The following GPLD1 variants were observed in gnomAD, a reference collection of about 807,000 sequenced individuals.
The protein encoded by GPLD1 is phosphatidylinositol-glycan-specific phospholipase D.
In GPLD1, 84 loss-of-function variants were observed where a neutral mutation model predicts 112.6. The ratio of observed to expected loss-of-function variants is 0.75; its 90% CI spans 0.63 to 0.89. The LOEUF (loss-of-function observed/expected upper bound fraction) is 0.89. GPLD1 is among the 40% of genes least tolerant of loss of function. The pLI, the probability that GPLD1 is intolerant of heterozygous loss-of-function variation, is 0.00. For synonymous variants in GPLD1, 386 were observed against 403.8 expected, an observed-to-expected ratio of 0.96 and a Z score of 0.53; for missense variants, 1,044 against 1,051.5, an observed-to-expected ratio of 0.99 and a Z score of 0.10.
chr6:24,483,428 C>T (rs1246414332), intron 2 of GPLD1, among the ~76,000 whole-genome samples: 1 of 151,930 alleles, frequency 6.6e-6, no homozygotes, highest in East Asian at 1.9e-4. Context: ...CCTATTATCC[C>T]AGCACGTTGG....
At chr6:24,457,325 C>A (rs917668702) in intron 12 of GPLD1, among the ~76,000 whole-genome samples, 2 of 151,628 alleles carry the variant, frequency 1.3e-5, no homozygotes, top group African/African-American at 4.8e-5. Flanking sequence ...ACAAAAAATA[C>A]AAAAAATTAG....
chr6:24,470,580 TTGAA>T (rs1245178704), intron 7 of GPLD1, among the ~76,000 whole-genome samples: 1 of 152,184 alleles, frequency 6.6e-6, no homozygotes, highest in Non-Finnish European at 1.5e-5. Flanking sequence ...ATCTTTTTAT[TTGAA>T]TGGTAAATTT....
upstream of GPLD1, chr6:24,489,640 C>T (rs1290532889): frequency 2.0e-6 from 3 of 1,463,598 alleles, no homozygotes; most frequent in African/African-American, 4.3e-5. Context: ...GGAAACCAAG[C>T]CTCATTTCAA....
intron 24 of GPLD1, among the ~76,000 whole-genome samples, chr6:24,431,457 CCT>C (rs767742163): frequency 6.6e-6 from 1 of 152,004 alleles, no homozygotes. Flanking sequence ...GGGACTCTGC[CCT>C]CTCTGTTTTT....
chr6:24,438,496 C>T (rs1470552084), intron 20 of GPLD1, among the ~76,000 whole-genome samples: 1 of 152,154 alleles, frequency 6.6e-6, no homozygotes, highest in Admixed American at 6.6e-5. Context: ...CTAATCTGAC[C>T]TGTTTTTTCG....
exon 1 of GPLD1, chr6:24,494,992 G>T: frequency 7.6e-7 from 1 of 1,315,124 alleles, no homozygotes; most frequent in Non-Finnish European, 9.7e-7. Flanking sequence ...GTCGTTGCCC[G>T]GGCCATGGCG....
In GPLD1 at chr6:24,467,154, G is replaced by A. The variant is rs572198412; in HGVS notation, c.653+13C>T. 1 of 1,429,420 alleles carries A rather than the reference G, an allele frequency of 7.0e-7. No homozygotes were observed. Among genetic ancestry groups the A allele is most frequent in the South Asian group, 1.1e-5 (1 of 87,058 alleles). 88.5% of individuals were successfully genotyped at this position (1,429,420 alleles called of 1,614,324 possible). A position where few individuals can be genotyped will look rare whatever the true frequency, so the allele number is the denominator to read the frequency against. On this transcript the variant is annotated intron_variant, in intron 8 of 24. Coordinates refer to ENST00000230036, the MANE Select transcript of GPLD1 (RefSeq NM_001503.4). ...CAAAATCAGCTGCAAATTGTCCTCT[G>A]AGTTACGCTTACATTTCTAAGAACT...
chr6:24,473,809 C>A, intron 5 of GPLD1, 142 bp from the exon 6 acceptor site: 1 of 535,304 alleles, frequency 1.9e-6, no homozygotes, highest in Non-Finnish European at 3.4e-6. Context: ...TTCACACTAA[C>A]ATTTTATTAG....
Position 24,473,682 on chromosome 6 carries a change from G to GA in GPLD1, c.442-16dup. 6.3e-7 allele frequency: 1 copy of GA among 1,584,622 alleles called. No individual in the cohort carries two copies. The highest frequency in any genetic ancestry group is 8.7e-7 in the Non-Finnish European group (1 of 1,154,476). ...TGAAAATCAATCTAAGAAAGAAAGAGAACCATCTGGTGTGTATTACAAATT... is the reference window on the plus strand; with the variant it reads ...TGAAAATCAATCTAAGAAAGAAAGAGAAACCATCTGGTGTGTATTACAAATT... On this transcript the variant is annotated splice_polypyrimidine_tract_variant and intron_variant, in intron 5 of 24. Coordinates refer to ENST00000230036, the MANE Select transcript of GPLD1 (RefSeq NM_001503.4).
chr6:24,473,713 C>A (rs769339962), intron 5 of GPLD1, 46 bp from the exon 6 acceptor site: 1 of 1,326,664 alleles, frequency 7.5e-7, no homozygotes, highest in Non-Finnish European at 1.1e-6. Context: ...AAATTGTAGC[C>A]CCAACTCTTA....
intron 20 of GPLD1, among the ~76,000 whole-genome samples, chr6:24,441,176 C>T (rs541188593): frequency 3.9e-4 from 59 of 151,616 alleles, no homozygotes; most frequent in African/African-American, 1.3e-3. Flanking sequence ...CATGGTGGTG[C>T]GTGCCTGTAG....
chr6:24,492,898 C>A (rs1764592869), upstream of GPLD1, among the ~76,000 whole-genome samples: 1 of 152,174 alleles, frequency 6.6e-6, no homozygotes, highest in Admixed American at 6.5e-5. Flanking sequence ...ATAGAAATCA[C>A]ATTTTACATC....
chr6:24,467,747 A>G (rs970868410), intron 7 of GPLD1, among the ~76,000 whole-genome samples: 23 of 152,186 alleles, frequency 1.5e-4, no homozygotes, highest in African/African-American at 2.9e-4. Flanking sequence ...AAGTATACAA[A>G]AAAGTATACC....
At chr6:24,485,645 TATAAC>T (rs932307169) in intron 2 of GPLD1, among the ~76,000 whole-genome samples, 13 of 151,796 alleles carry the variant, frequency 8.6e-5, no homozygotes, top group African/African-American at 3.1e-4. Context: ...TATACAACAT[TATAAC>T]ATAAAGAAAT....
chr6:24,489,610 C>T, upstream of GPLD1: 1 of 1,555,472 alleles, frequency 6.4e-7, no homozygotes, highest in Non-Finnish European at 8.7e-7. Context: ...CCGCTTCTCT[C>T]TAAGCAGGTC....
rs141521434 is a variant in GPLD1 at position 24,451,279 on chromosome 6, T to C, written c.1336-1380A>G. On this transcript the variant is annotated intron_variant, in intron 14 of 24. Transcript: ENST00000230036. ...TTTCTAGATCTTTCTTATCCTACCG[T>C]CTGGAATCAGCCTAAACCTGAAAGT... is the stretch of plus-strand genomic sequence containing the variant. 3.5e-3 allele frequency among the ~76,000 whole-genome samples: 535 copies of C among 152,320 alleles called. 5 individuals carry two copies. Among genetic ancestry groups the C allele is most frequent in the African/African-American group, 0.012 (492 of 41,584 alleles).
chr6:24,465,613 T>C lies in GPLD1; in HGVS notation c.821+1067A>G, dbSNP rs570861289. On this transcript the variant is annotated intron_variant, in intron 10 of 24. Transcript: ENST00000230036. Reference sequence around the variant, plus strand: ...AAAGAAATGGGTTATCAGAAGGGCCTTGGCTCCCTCTGATCTAGGGGTAGT... The same window carrying C: ...AAAGAAATGGGTTATCAGAAGGGCCCTGGCTCCCTCTGATCTAGGGGTAGT... Among the ~76,000 whole-genome samples, 4 of 152,182 alleles carry C rather than the reference T, an allele frequency of 2.6e-5. No individual in the cohort carries two copies. The South Asian group carries it at 8.3e-4, about 32-fold the overall frequency.
chr6:24,444,502 T>A (rs793716), intron 20 of GPLD1, among the ~76,000 whole-genome samples: 41,930 of 151,506 alleles, frequency 0.28, 7,050 homozygotes, highest in Middle Eastern at 0.43. Context: ...TTATTTATTT[T>A]TTTTTTTAAA....
intron 13 of GPLD1, among the ~76,000 whole-genome samples, chr6:24,454,701 A>G (rs1337481638): frequency 6.6e-6 from 1 of 152,278 alleles, no homozygotes; most frequent in Non-Finnish European, 1.5e-5. Flanking sequence ...CATGTTTAGT[A>G]GAGGCTCCTA....
Sources: allele counts gnomAD v4.1 joint callset (sites outside exome capture counted in the v4.1 genomes callset), GRCh38; gene constraint gnomAD v4.1.1; transcripts MANE v1.5; gene names NCBI Gene and HGNC (gene_info 2026-07-23, HGNC 2026-07-21).